Variants in AKT2 observed in about 807,000 individuals in gnomAD.
AKT2 encodes AKT serine/threonine kinase 2, also known as RAC-beta serine/threonine-protein kinase.
A neutral mutation model predicts 58.6 loss-of-function variants in AKT2; 16 were observed. The observed-to-expected ratio is 0.27, with a 90% CI of 0.18 to 0.41. AKT2 has a LOEUF of 0.41. Among genes scored for constraint, AKT2 ranks in the 10% least tolerant of loss-of-function variants. The pLI, the probability that AKT2 is intolerant of heterozygous loss-of-function variation, is 1.00. For synonymous variants in AKT2, 253 were observed against 254.0 expected, an observed-to-expected ratio of 1.00 and a Z score of 0.04; for missense variants, 438 against 661.0, an observed-to-expected ratio of 0.66 and a Z score of 3.70.
chr19:40,235,489 G>A lies in AKT2; in HGVS notation c.1176-139C>T. On this transcript the variant is annotated intron_variant, in intron 11 of 13. Coordinates refer to ENST00000392038, the MANE Select transcript of AKT2 (RefSeq NM_001626.6). The surrounding 1 kb of genome is among the most constrained non-coding windows in gnomAD (Gnocchi z 6.3). ...ACCACTTCACAGAGGAGGAAACCGA[G>A]GCTCAGGGAGGGAGCTCACGTGCCC... The A allele has an allele frequency of 1.2e-6, 1 of 833,096 alleles. No individual in the cohort carries two copies. 51.6% of individuals were successfully genotyped at this position (833,096 alleles called of 1,614,324 possible).
chr19:40,274,804 G>A, intron 1 of AKT2: 1 of 341,530 alleles, frequency 2.9e-6, no homozygotes, highest in South Asian at 2.3e-5. Flanking sequence ...GAGGAAGCTG[G>A]GGACCGCTGG....
intron 7 of AKT2, 46 bp downstream of exon 7, chr19:40,239,999 T>C (rs375236349): frequency 4.2e-4 from 663 of 1,593,158 alleles, no homozygotes; most frequent in Non-Finnish European, 5.0e-4. Flanking sequence ...CTGAGCTCTG[T>C]CCAAAGGCTG....
intron 1 of AKT2, chr19:40,274,651 C>T (rs2077276195): frequency 8.4e-6 from 2 of 239,520 alleles, no homozygotes; most frequent in African/African-American, 2.2e-5. Flanking sequence ...ACTGAGGCAG[C>T]GCAGTCTGAG....
chr19:40,262,055 G>A (rs1037130326), intron 2 of AKT2, among the ~76,000 whole-genome samples: 1 of 151,866 alleles, frequency 6.6e-6, no homozygotes, highest in Non-Finnish European at 1.5e-5. Flanking sequence ...GGATTGGGGC[G>A]AGTTTATTAT....
chr19:40,242,413 G>A lies in AKT2; in HGVS notation c.441+121C>T, dbSNP rs1974469584. On this transcript the variant is annotated intron_variant, in intron 5 of 13. Coordinates refer to ENST00000392038, the MANE Select transcript of AKT2 (RefSeq NM_001626.6). This position sits in a 1 kb window ranked among gnomAD's most constrained non-coding sequence, Gnocchi z 4.3. ...CCACCTGAAATCACCCCACCCTGCA[G>A]GGCAGCCTTGTCTCTCAGCTGAGCC... The A allele has an allele frequency of 6.8e-7, 1 of 1,474,392 alleles. No individual in the cohort carries two copies. Among genetic ancestry groups the A allele is most frequent in the East Asian group, 2.3e-5 (1 of 44,192 alleles). The allele number at this position is 1,474,392 out of a possible 1,614,324, so 91.3% of individuals were successfully genotyped here.
In AKT2 at chr19:40,234,296, G is replaced by C. The variant is rs973642697; in HGVS notation, c.1367-345C>G. On this transcript the variant is annotated intron_variant, in intron 13 of 13. Transcript: ENST00000392038. This position sits in a 1 kb window ranked among gnomAD's most constrained non-coding sequence, Gnocchi z 4.7. ...TCGCACCCTCCCATCCATTCTCCAC[G>C]GGCAGCCAGGGGGGCTTTCTAAAGG... 1.3e-5 allele frequency among the ~76,000 whole-genome samples: 2 copies of C among 152,006 alleles called. No individual in the cohort carries two copies. The highest frequency in any genetic ancestry group is 4.2e-4 in the South Asian group (2 of 4,816).
chr19:40,271,976 G>C (rs949240423), intron 1 of AKT2, among the ~76,000 whole-genome samples: 1 of 152,128 alleles, frequency 6.6e-6, no homozygotes, highest in Non-Finnish European at 1.5e-5. Context: ...CTCACAACAG[G>C]GGTCTGGTGC....
At chr19:40,257,980 C>T (rs559700816) in intron 2 of AKT2, among the ~76,000 whole-genome samples, 44 of 152,162 alleles carry the variant, frequency 2.9e-4, no homozygotes, top group African/African-American at 1.0e-3. Context: ...GGCACGGTGG[C>T]GCACACCTGT....
At chr19:40,276,277 A>C (rs1332773179) in intron 1 of AKT2, among the ~76,000 whole-genome samples, 1 of 136,914 alleles carries the variant, frequency 7.3e-6, no homozygotes, top group Non-Finnish European at 1.5e-5. Flanking sequence ...TCAAATCCTG[A>C]CTCTACCACT....
rs1161732652 is a variant in AKT2 at position 40,242,227 on chromosome 19, A to G, written c.442-158T>C. ...TCTGGGCAGCAACTGTGTGTTCTGA[A>G]GCGGCCTTCAGACCAGGCTCTGCAG... On this transcript the variant is annotated intron_variant, in intron 5 of 13. Coordinates refer to ENST00000392038, the MANE Select transcript of AKT2 (RefSeq NM_001626.6). This position sits in a 1 kb window ranked among gnomAD's most constrained non-coding sequence, Gnocchi z 4.3. 17 of 1,122,042 alleles carry G rather than the reference A, an allele frequency of 1.5e-5. No individual in the cohort carries two copies. Among genetic ancestry groups the G allele is most frequent in the Non-Finnish European group, 2.1e-5 (16 of 771,644 alleles). The allele number at this position is 1,122,042 out of a possible 1,614,324, so 69.5% of individuals were successfully genotyped here.
At position 40,255,211 on chromosome 19, in the gene AKT2, C is replaced by T. The variant is rs1267400736; in HGVS notation, c.234G>A (p.Leu78=). Residue 78 remains leucine, a synonymous_variant, in exon 4 of 14, where the codon CTG becomes CTA. Coordinates refer to ENST00000392038, the MANE Select transcript of AKT2 (RefSeq NM_001626.6). ...TCCTCTCGATGACTGTGGTCCACTG[C>T]AGGCAGCGTATGACAAAGGTGTTGG... ...PRPNTFVIRC[L]QWTTVIERTF... is the part of the protein sequence containing the mutation. 1.9e-6 allele frequency: 3 copies of T among 1,614,032 alleles called. No individual in the cohort carries two copies. In the South Asian group the frequency reaches 3.3e-5, roughly 18 times the overall value.
chr19:40,268,460 G>C (rs981208397), intron 1 of AKT2: 2 of 152,290 alleles, frequency 1.3e-5, no homozygotes, highest in African/African-American at 4.8e-5. Context: ...CCGCCAGCTG[G>C]GTGGCCTTGG....
Position 40,239,693 on chromosome 19 carries a change from G to A in AKT2, c.639+352C>T, listed in dbSNP as rs1030573024. On this transcript the variant is annotated intron_variant, in intron 7 of 13. Transcript: ENST00000392038. ...ACAATGCTAACACATCTGCTTCTAT[G>A]AGCATATCTGAAAACAAAAACAAAA... 9.4e-6 allele frequency: 4 copies of A among 424,420 alleles called. No homozygotes were observed. In the Admixed American group the frequency reaches 1.3e-4, roughly 14 times the overall value. The allele number at this position is 424,420 out of a possible 1,614,324, so 26.3% of individuals were successfully genotyped here. A position where few individuals can be genotyped will look rare whatever the true frequency, so the allele number is the denominator to read the frequency against.
At chr19:40,258,063 A>G (rs2145314396) in intron 2 of AKT2, among the ~76,000 whole-genome samples, 1 of 152,078 alleles carries the variant, frequency 6.6e-6, no homozygotes, top group African/African-American at 2.4e-5. Flanking sequence ...CCTGACCAAC[A>G]TGGAGAAACC....
At chr19:40,240,839 T>A (rs1047983717) in intron 6 of AKT2, 2 of 169,460 alleles carry the variant, frequency 1.2e-5, no homozygotes, top group African/African-American at 5.0e-5. Context: ...CAGGCTGGAG[T>A]GCAGTGGTGT....
chr19:40,275,017 GCTCAC>G (rs1198585875), intron 1 of AKT2: 1 of 455,312 alleles, frequency 2.2e-6, no homozygotes, highest in South Asian at 1.6e-5. Flanking sequence ...GGCCTGATGG[GCTCAC>G]CACCTGCCTC....
At chr19:40,278,237 T>A (rs1014235280) in intron 1 of AKT2, among the ~76,000 whole-genome samples, 4 of 152,074 alleles carry the variant, frequency 2.6e-5, no homozygotes, top group African/African-American at 7.2e-5. Context: ...CAGAGCAGGG[T>A]TCAACCATCA....
intron 3 of AKT2, among the ~76,000 whole-genome samples, chr19:40,256,409 T>C (rs1256041804): frequency 6.6e-6 from 1 of 152,180 alleles, no homozygotes; most frequent in Non-Finnish European, 1.5e-5. Context: ...GGCAGCGATG[T>C]GGACAGGACC....
intron 7 of AKT2, chr19:40,239,615 G>A: frequency 5.5e-6 from 2 of 360,410 alleles, no homozygotes; most frequent in Non-Finnish European, 1.1e-5. Context: ...CACTGGCCTT[G>A]ATGGAGACTG....
Sources: gnomAD v4.1 joint callset for allele counts (sites outside exome capture counted in the v4.1 genomes callset) on GRCh38, gnomAD v4.1.1 for gene constraint, Gnocchi (gnomAD v3.1) non-coding constraint, MANE v1.5 for transcripts, NCBI Gene and HGNC (gene_info 2026-07-23, HGNC 2026-07-21) for gene names.